UNC5C: variants seen among roughly 807,000 people sequenced by gnomAD.
UNC5C encodes the protein netrin receptor UNC5C.
UNC5C carries 47 observed loss-of-function variants against 99.8 expected under a neutral mutation model. That is an observed-to-expected ratio of 0.47 (90% confidence interval 0.37 to 0.60). UNC5C has a LOEUF of 0.60. Among genes scored for constraint, UNC5C ranks in the 20% least tolerant of loss-of-function variants. The pLI is 0.00. For missense variants in UNC5C, 1,062 were observed against 1,165.9 expected (o/e 0.91, Z 1.30); for synonymous variants, 487 against 452.2 (o/e 1.08, Z -0.98).
intron 7 of UNC5C, among the ~76,000 whole-genome samples, chr4:95,234,112 GTCTC>G (rs962167556): frequency 6.6e-6 from 1 of 151,874 alleles, no homozygotes. Flanking sequence ...TGTTCTCTGT[GTCTC>G]TCTCTCTTGT....
At chr4:95,467,738 A>C (rs565253238) in intron 1 of UNC5C, among the ~76,000 whole-genome samples, 3 of 152,262 alleles carry the variant, frequency 2.0e-5, no homozygotes, top group Non-Finnish European at 1.5e-5. Context: ...TCTGAGAATA[A>C]ATTTTCATTC....
chr4:95,307,039 T>C (rs181438336), intron 2 of UNC5C, among the ~76,000 whole-genome samples: 2 of 152,270 alleles, frequency 1.3e-5, no homozygotes, highest in East Asian at 3.9e-4. Flanking sequence ...CACCCTGTCA[T>C]TATTTAGAAG....
intron 3 of UNC5C, among the ~76,000 whole-genome samples, chr4:95,282,773 G>T (rs1043908529): frequency 1.3e-5 from 2 of 152,048 alleles, no homozygotes; most frequent in African/African-American, 2.4e-5. Flanking sequence ...CTGGAATGGG[G>T]GTCTTATGAC....
At chr4:95,180,888 C>T (rs570677356) in intron 14 of UNC5C, among the ~76,000 whole-genome samples, 1 of 152,292 alleles carries the variant, frequency 6.6e-6, no homozygotes, top group Admixed American at 6.5e-5. Context: ...GGAGCCTTTT[C>T]TCTACTTGTT....
intron 7 of UNC5C, among the ~76,000 whole-genome samples, chr4:95,238,140 G>A (rs1226774026): frequency 6.6e-6 from 1 of 152,134 alleles, no homozygotes; most frequent in Non-Finnish European, 1.5e-5. Flanking sequence ...ATTTAAGTAT[G>A]TGACTCATAA....
At chr4:95,538,040 A>C (rs1722825012) in intron 1 of UNC5C, among the ~76,000 whole-genome samples, 1 of 152,202 alleles carries the variant, frequency 6.6e-6, no homozygotes, top group Non-Finnish European at 1.5e-5. Flanking sequence ...CTCCCTTTAA[A>C]AACCATCACT....
chr4:95,290,076 G>T (rs898556134), intron 3 of UNC5C, among the ~76,000 whole-genome samples: 1 of 152,220 alleles, frequency 6.6e-6, no homozygotes, highest in African/African-American at 2.4e-5. Flanking sequence ...GGCCAAGATT[G>T]GGGATCGCTT....
In UNC5C at chr4:95,330,241, G is replaced by T. The variant is rs952335634; in HGVS notation, c.346+5169C>A. ...TAGCATTATATTTATAATGAGTTGG[G>T]TTTTCCTCATTACTCTACTATTTAA... On this transcript the variant is annotated intron_variant, in intron 2 of 15. Coordinates refer to ENST00000453304, the MANE Select transcript of UNC5C (RefSeq NM_003728.4). Among the ~76,000 whole-genome samples the T allele has an allele frequency of 4.3e-4, 65 of 151,756 alleles. 1 individual carries two copies. Among genetic ancestry groups the T allele is most frequent in the African/African-American group, 1.5e-3 (61 of 41,314 alleles).
chr4:95,271,721 C>G (rs1394685678), intron 4 of UNC5C, among the ~76,000 whole-genome samples: 1 of 152,224 alleles, frequency 6.6e-6, no homozygotes, highest in Non-Finnish European at 1.5e-5. Context: ...ATTTTCCATG[C>G]AGCAACCAGA....
rs559753981 is a variant in UNC5C at position 95,495,182 on chromosome 4, A to G, written c.124+53552T>C. Among the ~76,000 whole-genome samples the G allele has an allele frequency of 5.3e-5, 8 of 151,562 alleles. No individual in the cohort carries two copies. The South Asian group carries it at 1.7e-3, about 31-fold the overall frequency. On this transcript the variant is annotated intron_variant, in intron 1 of 15. Transcript: ENST00000453304. ...TTCTCTATTTTTTTCTTTCTAAGTAATCACTTATTTTCTAAAACTAACTGA... is the reference window on the plus strand; with the variant it reads ...TTCTCTATTTTTTTCTTTCTAAGTAGTCACTTATTTTCTAAAACTAACTGA...
chr4:95,545,779 C>T (rs1723044938), intron 1 of UNC5C, among the ~76,000 whole-genome samples: 1 of 151,898 alleles, frequency 6.6e-6, no homozygotes, highest in Non-Finnish European at 1.5e-5. Context: ...CGCGCACACA[C>T]ACACACACAC....
At chr4:95,344,339 T>A (rs1743690362) in intron 1 of UNC5C, among the ~76,000 whole-genome samples, 1 of 151,968 alleles carries the variant, frequency 6.6e-6, no homozygotes, top group South Asian at 2.1e-4. Flanking sequence ...GAATAGTATA[T>A]CAAGAGAAAA....
chr4:95,416,328 A>T (rs1000179930), intron 1 of UNC5C, among the ~76,000 whole-genome samples: 2 of 152,178 alleles, frequency 1.3e-5, no homozygotes, highest in African/African-American at 4.8e-5. Flanking sequence ...TTCCCTAAAG[A>T]ACTAGAAAGT....
At chr4:95,236,297 G>A (rs1166519674) in intron 7 of UNC5C, among the ~76,000 whole-genome samples, 1 of 152,054 alleles carries the variant, frequency 6.6e-6, no homozygotes, top group Non-Finnish European at 1.5e-5. Flanking sequence ...CATGGATGAA[G>A]CTGGAAACCA....
rs1028228806 is a variant in UNC5C at position 95,316,453 on chromosome 4, G to A, written c.347-14704C>T. 3.9e-5 allele frequency among the ~76,000 whole-genome samples: 6 copies of A among 152,236 alleles called. No individual in the cohort carries two copies. The East Asian group carries it at 9.7e-4, about 25-fold the overall frequency. On this transcript the variant is annotated intron_variant, in intron 2 of 15. Coordinates refer to ENST00000453304, the MANE Select transcript of UNC5C (RefSeq NM_003728.4). ...CTAGCATCCCCACCCTCTCATAGGC[G>A]CTTCGGAGCTGACCGCAGGCACACT...
At chr4:95,520,757 C>T (rs956255377) in intron 1 of UNC5C, among the ~76,000 whole-genome samples, 1 of 152,088 alleles carries the variant, frequency 6.6e-6, no homozygotes, top group Non-Finnish European at 1.5e-5. Context: ...GGCCACCACG[C>T]CCAGCTAATT....
At chr4:95,496,678 CTT>C (rs916807923) in intron 1 of UNC5C, among the ~76,000 whole-genome samples, 1 of 150,830 alleles carries the variant, frequency 6.6e-6, no homozygotes, top group South Asian at 2.1e-4. Flanking sequence ...GATATTTGTA[CTT>C]TTTTAATTTT....
intron 1 of UNC5C, among the ~76,000 whole-genome samples, chr4:95,388,987 A>AT (rs1365940367): frequency 2.0e-5 from 3 of 152,050 alleles, no homozygotes; most frequent in Non-Finnish European, 4.4e-5. Flanking sequence ...GCTATTTAAC[A>AT]TTTTTTTCAA....
At chr4:95,385,262 C>G (rs1211873165) in intron 1 of UNC5C, among the ~76,000 whole-genome samples, 1 of 152,078 alleles carries the variant, frequency 6.6e-6, no homozygotes, top group South Asian at 2.1e-4. Flanking sequence ...CCTATTGTGT[C>G]GATGTGCGGA....
Sources: allele counts gnomAD v4.1 joint callset (sites outside exome capture counted in the v4.1 genomes callset), GRCh38; gene constraint gnomAD v4.1.1; transcripts MANE v1.5; gene names NCBI Gene and HGNC (gene_info 2026-07-23, HGNC 2026-07-21).